Variants in TRIM44 observed in about 807,000 individuals in gnomAD.
The protein encoded by TRIM44 is tripartite motif-containing protein 44.
In TRIM44, 13 loss-of-function variants were observed where a neutral mutation model predicts 37.4. That is an observed-to-expected ratio of 0.35 (90% confidence interval 0.23 to 0.55). The LOEUF (loss-of-function observed/expected upper bound fraction) is 0.55, where lower values mean the gene tolerates loss of function less well. TRIM44 is among the 20% of genes least tolerant of loss of function. The pLI is 0.89. For synonymous variants in TRIM44, 175 were observed against 157.2 expected (o/e 1.11, Z -0.85); for missense variants, 426 against 437.2 (o/e 0.97, Z 0.23).
At chr11:35,725,893 C>A (rs572853914) in intron 2 of TRIM44, 31 bp from the exon 3 acceptor site, 38 of 1,608,308 alleles carry the variant, frequency 2.4e-5, no homozygotes, top group Non-Finnish European at 5.1e-6. Context: ...GTATGTTCAA[C>A]TTATTCTTCT....
At chr11:35,682,152 A>T (rs1237170745) in intron 1 of TRIM44, among the ~76,000 whole-genome samples, 3 of 150,130 alleles carry the variant, frequency 2.0e-5, no homozygotes, top group African/African-American at 7.4e-5. Flanking sequence ...GTTCCGTACC[A>T]CTCTTCAAGT....
intron 2 of TRIM44, among the ~76,000 whole-genome samples, chr11:35,707,071 G>A (rs1851895662): frequency 6.6e-6 from 1 of 152,072 alleles, no homozygotes; most frequent in Admixed American, 6.6e-5. Context: ...AAATTCTCAG[G>A]ATACAAAATC....
chr11:35,717,367 G>T (rs1216280126), intron 2 of TRIM44, among the ~76,000 whole-genome samples: 1 of 152,094 alleles, frequency 6.6e-6, no homozygotes, highest in Non-Finnish European at 1.5e-5. Flanking sequence ...GGGGAAAAAA[G>T]GGTAGCAAGT....
chr11:35,760,437 G>A (rs961675788), intron 4 of TRIM44, among the ~76,000 whole-genome samples: 9 of 152,218 alleles, frequency 5.9e-5, no homozygotes, highest in African/African-American at 1.7e-4. Flanking sequence ...GACCCCTTGC[G>A]CTTCCCAGGT....
chr11:35,673,731 C>T (rs1343703055), intron 1 of TRIM44, among the ~76,000 whole-genome samples: 2 of 152,016 alleles, frequency 1.3e-5, no homozygotes, highest in Non-Finnish European at 2.9e-5. Context: ...TGCTGTTAGG[C>T]AATTGATTTT....
chr11:35,778,907 G>A (rs1249235813), intron 4 of TRIM44, among the ~76,000 whole-genome samples: 1 of 152,252 alleles, frequency 6.6e-6, no homozygotes, highest in Non-Finnish European at 1.5e-5. Context: ...AGACCCACTT[G>A]AGGAGGCAGT....
intron 4 of TRIM44, among the ~76,000 whole-genome samples, chr11:35,750,281 T>G (rs1409697369): frequency 6.6e-6 from 1 of 152,182 alleles, no homozygotes. Flanking sequence ...TCCTCCACAT[T>G]TGAGGGGCAT....
At chr11:35,709,642 G>A (rs113689415) in intron 2 of TRIM44, among the ~76,000 whole-genome samples, 2 of 152,034 alleles carry the variant, frequency 1.3e-5, no homozygotes, top group Non-Finnish European at 2.9e-5. Context: ...AAAGAAACTC[G>A]GAGAGCTCAA....
chr11:35,755,948 A>G (rs1051627369), intron 4 of TRIM44, among the ~76,000 whole-genome samples: 2 of 151,912 alleles, frequency 1.3e-5, no homozygotes, highest in African/African-American at 4.8e-5. Context: ...TGATGCCTCC[A>G]GCTTTGTTCT....
chr11:35,771,234 CAT>C (rs1463814739), intron 4 of TRIM44, among the ~76,000 whole-genome samples: 2 of 152,098 alleles, frequency 1.3e-5, no homozygotes, highest in Non-Finnish European at 2.9e-5. Flanking sequence ...GAGGTGGTCT[CAT>C]ATGGAGATGA....
chr11:35,782,066 G>A (rs1853072910), intron 4 of TRIM44, among the ~76,000 whole-genome samples: 1 of 152,164 alleles, frequency 6.6e-6, no homozygotes, highest in African/African-American at 2.4e-5. Context: ...GCTCAAGTAA[G>A]GATCCTTGCT....
intron 2 of TRIM44, among the ~76,000 whole-genome samples, chr11:35,704,815 T>C (rs1184120552): frequency 6.6e-6 from 1 of 152,070 alleles, no homozygotes; most frequent in Non-Finnish European, 1.5e-5. Context: ...TCATGCCAAG[T>C]TGTAAAGACC....
At chr11:35,790,027 A>G (rs1853185073) in intron 4 of TRIM44, among the ~76,000 whole-genome samples, 1 of 152,180 alleles carries the variant, frequency 6.6e-6, no homozygotes, top group Non-Finnish European at 1.5e-5. Context: ...GCTTCTGGAA[A>G]AACTGGGAGG....
At chr11:35,804,658 C>G (rs1157645061) in intron 4 of TRIM44, among the ~76,000 whole-genome samples, 2 of 152,168 alleles carry the variant, frequency 1.3e-5, no homozygotes, top group African/African-American at 4.8e-5. Flanking sequence ...GAGAAGCTTT[C>G]ATAAAAGACC....
chr11:35,760,865 G>A (rs1852715787), intron 4 of TRIM44, among the ~76,000 whole-genome samples: 1 of 152,238 alleles, frequency 6.6e-6, no homozygotes, highest in Non-Finnish European at 1.5e-5. Flanking sequence ...CCATGGTGTA[G>A]TCACCGTGCA....
chr11:35,784,426 C>G (rs1853103700), intron 4 of TRIM44, among the ~76,000 whole-genome samples: 1 of 152,108 alleles, frequency 6.6e-6, no homozygotes, highest in Admixed American at 6.5e-5. Context: ...TAAGAGTATT[C>G]TAAGTTTCTT....
intron 4 of TRIM44, among the ~76,000 whole-genome samples, chr11:35,792,111 A>ACACTCT (rs796092540): frequency 9.6e-5 from 11 of 114,366 alleles, no homozygotes; most frequent in African/African-American, 2.6e-4. Flanking sequence ...ACACACACAC[A>ACACTCT]CTCTCTCTCA....
chr11:35,769,654 G>A (rs1313128144), intron 4 of TRIM44, among the ~76,000 whole-genome samples: 2 of 152,160 alleles, frequency 1.3e-5, no homozygotes, highest in Non-Finnish European at 2.9e-5. Flanking sequence ...GATACAGTGA[G>A]GTTTGAATGA....
In TRIM44 at chr11:35,809,381, T is replaced by C. The variant is rs1178581465; in HGVS notation, c.*2996T>C. 6.6e-6 allele frequency: 1 copy of C among 152,184 alleles called. No homozygotes were observed. The highest frequency in any genetic ancestry group is 2.4e-5 in the African/African-American group (1 of 41,460). The allele number at this position is 152,184 out of a possible 1,614,324, so 9.4% of individuals were successfully genotyped here. On this transcript the variant is annotated 3_prime_UTR_variant, in exon 5 of 5. Coordinates refer to ENST00000299413, the MANE Select transcript of TRIM44 (RefSeq NM_017583.6). ...CAGAAGGATAAAAAGACTTCAGGTT[T>C]TCCCACTGTGTGCTGACCATCCCAA...
Sources: allele counts gnomAD v4.1 joint callset (sites outside exome capture counted in the v4.1 genomes callset), GRCh38; gene constraint gnomAD v4.1.1; transcripts MANE v1.5; gene names NCBI Gene and HGNC (gene_info 2026-07-23, HGNC 2026-07-21).